The following ITGA7 variants were observed in gnomAD, a reference collection of about 807,000 sequenced individuals.
ITGA7 encodes integrin subunit alpha 7.
A neutral mutation model predicts 131.6 loss-of-function variants in ITGA7; 84 were observed. The ratio of observed to expected loss-of-function variants is 0.64; its 90% CI spans 0.54 to 0.77. The LOEUF is 0.77. Ranked by LOEUF, ITGA7 falls within the 30% of genes least tolerant of loss-of-function variation. The pLI is 0.00. For missense variants in ITGA7, 1,399 were observed against 1,482.9 expected (o/e 0.94, Z 0.93); for synonymous variants, 548 against 600.7 (o/e 0.91, Z 1.28).
In ITGA7 at chr12:55,697,185, G is replaced by A. The variant is rs1023224500; in HGVS notation, c.1567+31C>T. ...ACCCCCCTCCCTGGGAAACCCAAAA[G>A]GGCGAGCCACAGAGGGGGGACCGCA... On this transcript the variant is annotated intron_variant, in intron 11 of 24. Coordinates refer to ENST00000257879, the MANE Select transcript of ITGA7 (RefSeq NM_002206.3). The A allele has an allele frequency of 3.2e-6, 5 of 1,582,332 alleles. No individual in the cohort carries two copies. The African/African-American group carries it at 5.4e-5, about 17-fold the overall frequency.
intron 5 of ITGA7, 142 bp from the exon 6 acceptor site, chr12:55,699,059 G>A (rs1251729475): frequency 9.4e-6 from 7 of 745,742 alleles, no homozygotes; most frequent in East Asian, 2.7e-5. Context: ...CCTCCCCTAG[G>A]TTAAGAGCCA....
intron 5 of ITGA7, 41 bp downstream of exon 5, chr12:55,699,829 G>T (rs553620337): frequency 6.3e-6 from 10 of 1,578,216 alleles, no homozygotes; most frequent in Non-Finnish European, 7.7e-6. Context: ...AGGGGAGGCT[G>T]GGCCATGCCC....
Position 55,697,810 on chromosome 12 carries a change from C to G in ITGA7, c.1294G>C (p.Glu432Gln). 6.2e-7 allele frequency: 1 copy of G among 1,614,130 alleles called. No homozygotes were observed. The highest frequency in any genetic ancestry group is 8.5e-7 in the Non-Finnish European group (1 of 1,180,022). ...CCGAAGCTCTTGATGCCCACAGCCTCGCCCTCCAGCACCTAGAGAACCAGC... is the reference window on the plus strand; with the variant it reads ...CCGAAGCTCTTGATGCCCACAGCCTGGCCCTCCAGCACCTAGAGAACCAGC... ...VAKPSQVLEG[E>Q]AVGIKSFGYS... Residue 432 changes from glutamate (E) to glutamine (Q), a missense_variant, in exon 9 of 25, where the codon GAG becomes CAG. Coordinates refer to ENST00000257879, the MANE Select transcript of ITGA7 (RefSeq NM_002206.3).
At chr12:55,701,365 C>A (rs367555167) in intron 3 of ITGA7, 48 of 1,552,682 alleles carry the variant, frequency 3.1e-5, no homozygotes, top group Non-Finnish European at 4.0e-5. Context: ...ACCCAGCAAC[C>A]TGTCTGCACC....
chr12:55,685,249 C>T lies in ITGA7; in HGVS notation c.3223G>A (p.Val1075Met), dbSNP rs375842647. The T allele has an allele frequency of 5.6e-6, 9 of 1,614,112 alleles. No homozygotes were observed. Among genetic ancestry groups the T allele is most frequent in the South Asian group, 5.5e-5 (5 of 91,092 alleles). ...ATCTTCACCGCATGGTACTGGGGCACGGTGGCCTCGGGGTGCTTCGCCCGT... is the reference window on the plus strand; with the variant it reads ...ATCTTCACCGCATGGTACTGGGGCATGGTGGCCTCGGGGTGCTTCGCCCGT... ...FKRAKHPEAT[V>M]PQYHAVKIPR... Residue 1075 changes from valine (V) to methionine (M), a missense_variant, in exon 25 of 25, where the codon GTG (valine) becomes ATG (methionine). Transcript: ENST00000257879.
Position 55,707,821 on chromosome 12 carries a change from C to CCCAAA in ITGA7, c.-140_-139insTTTGG. ...GTCTCCCAGACGTTCGCCCCGCCAG[C>CCCAAA]CCTCCCGCCCGCCCGCCGCTCCGCC... is the stretch of plus-strand genomic sequence containing the variant. On this transcript the variant is annotated 5_prime_UTR_variant, in exon 1 of 25. Transcript: ENST00000257879. 5.2e-6 allele frequency: 4 copies of CCCAAA among 775,648 alleles called. No individual in the cohort carries two copies. The highest frequency in any genetic ancestry group is 8.3e-6 in the Non-Finnish European group (4 of 484,168). The allele number at this position is 775,648 out of a possible 1,614,324, so 48.0% of individuals were successfully genotyped here.
At chr12:55,714,356 CAA>C (rs34086588), upstream of ITGA7, among the ~76,000 whole-genome samples, 21 of 138,234 alleles carry the variant, frequency 1.5e-4, no homozygotes, top group Admixed American at 3.6e-4. Context: ...ACTAAAAATA[CAA>C]AAAAAAAAAA....
At chr12:55,703,217 T>TA in intron 1 of ITGA7, 39 bp from the exon 2 acceptor site, 1 of 1,599,954 alleles carries the variant, frequency 6.3e-7, no homozygotes, top group Middle Eastern at 2.2e-4. Context: ...GGACAGGAGT[T>TA]AGAGGTCAGA....
chr12:55,708,893 C>A (rs1875753992), upstream of ITGA7, among the ~76,000 whole-genome samples: 1 of 152,206 alleles, frequency 6.6e-6, no homozygotes, highest in Non-Finnish European at 1.5e-5. Flanking sequence ...CTCTTCCTCT[C>A]CCTTTCCCTC....
At chr12:55,685,762 C>A (rs780678275) in intron 24 of ITGA7, among the ~76,000 whole-genome samples, 49 of 152,198 alleles carry the variant, frequency 3.2e-4, no homozygotes, top group Non-Finnish European at 6.3e-4. Context: ...TACAGCAATA[C>A]CCTCTTGTCC....
chr12:55,706,891 C>G (rs894240975), intron 1 of ITGA7, among the ~76,000 whole-genome samples: 3 of 152,212 alleles, frequency 2.0e-5, no homozygotes, highest in Non-Finnish European at 2.9e-5. Context: ...CACCAAGCCA[C>G]CTACTGCAGG....
upstream of ITGA7, chr12:55,715,990 A>C: frequency 3.4e-6 from 5 of 1,481,288 alleles, no homozygotes; most frequent in South Asian, 6.4e-5. Flanking sequence ...CCCCGCCAAG[A>C]TCTTCACCCA....
rs1174256436 is a variant in ITGA7, at chr12:55,707,816, G to T, written c.-134C>A. 2 of 1,463,140 alleles carry T rather than the reference G, an allele frequency of 1.4e-6. No homozygotes were observed. The highest frequency in any genetic ancestry group is 1.5e-5 in the African/African-American group (1 of 67,788). The allele number at this position is 1,463,140 out of a possible 1,614,324, so 90.6% of individuals were successfully genotyped here. A position where few individuals can be genotyped will look rare whatever the true frequency, so the allele number is the denominator to read the frequency against. ...CAGACGTCTCCCAGACGTTCGCCCC[G>T]CCAGCCCTCCCGCCCGCCCGCCGCT... On this transcript the variant is annotated 5_prime_UTR_variant, in exon 1 of 25. Coordinates refer to ENST00000257879, the MANE Select transcript of ITGA7 (RefSeq NM_002206.3).
intron 24 of ITGA7, among the ~76,000 whole-genome samples, chr12:55,686,758 G>A (rs988043851): frequency 1.3e-5 from 2 of 152,250 alleles, no homozygotes; most frequent in Admixed American, 6.5e-5. Flanking sequence ...AGCTCTGGGT[G>A]TACAAGAATG....
At chr12:55,699,098 C>A (rs188525949) in intron 5 of ITGA7, among the ~76,000 whole-genome samples, 181 bp from the exon 6 acceptor site, 1 of 152,054 alleles carries the variant, frequency 6.6e-6, no homozygotes, top group East Asian at 1.9e-4. Context: ...GTCATCAGCA[C>A]CACAGCTGGA....
rs780521722 is a variant in ITGA7, at chr12:55,695,575, G to C, written c.1950C>G (p.Val650=). 3 of 1,614,010 alleles carry C rather than the reference G, an allele frequency of 1.9e-6. No homozygotes were observed. The highest frequency in any genetic ancestry group is 2.5e-6 in the Non-Finnish European group (3 of 1,179,954). Residue 650 remains valine, a synonymous_variant, in exon 14 of 25, where the codon GTC becomes GTG. Coordinates refer to ENST00000257879, the MANE Select transcript of ITGA7 (RefSeq NM_002206.3). Reference sequence around the variant, plus strand: ...TGACCCGGGTACAGAAGCGGGCGCGGACCAGCTGCAGATTGCTCTGGCAGA... The same window carrying C: ...TGACCCGGGTACAGAAGCGGGCGCGCACCAGCTGCAGATTGCTCTGGCAGA... ...DKICQSNLQL[V]RARFCTRVSD...
chr12:55,698,928 G>A lies in ITGA7; in HGVS notation c.791-11C>T. The A allele has an allele frequency of 6.3e-7, 1 of 1,599,996 alleles. No homozygotes were observed. The highest frequency in any genetic ancestry group is 8.5e-7 in the Non-Finnish European group (1 of 1,172,788). ...AGTCAATAGAGAAGCCTGGGGGAAG[G>A]GTGACTTACCCCTAAGTCTTCACCC... On this transcript the variant is annotated splice_polypyrimidine_tract_variant and intron_variant, in intron 5 of 24. Transcript: ENST00000257879.
chr12:55,695,175 C>T (rs1872368274), intron 14 of ITGA7: 3 of 611,226 alleles, frequency 4.9e-6, no homozygotes, highest in Non-Finnish European at 8.7e-6. Flanking sequence ...TCCACCATTA[C>T]TTACCTTGGC....
upstream of ITGA7, chr12:55,716,151 C>A: frequency 1.2e-6 from 2 of 1,612,510 alleles, no homozygotes; most frequent in Non-Finnish European, 1.7e-6. Context: ...GTCCCGCCTC[C>A]TAAAAGAACA....
Sources: allele counts gnomAD v4.1 joint callset (sites outside exome capture counted in the v4.1 genomes callset), GRCh38; gene constraint gnomAD v4.1.1; transcripts MANE v1.5; gene names NCBI Gene and HGNC (gene_info 2026-07-23, HGNC 2026-07-21).